The following ADGRL2 variants were observed in gnomAD, a reference collection of about 807,000 sequenced individuals.
ADGRL2 encodes adhesion G protein-coupled receptor L2, also known as calcium-independent alpha-latrotoxin receptor 2.
A neutral mutation model predicts 157.4 loss-of-function variants in ADGRL2; 44 were observed. The ratio of observed to expected loss-of-function variants is 0.28; its 90% confidence interval spans 0.22 to 0.36. The LOEUF is 0.36. Among genes scored for constraint, ADGRL2 ranks in the 10% least tolerant of loss-of-function variants. ADGRL2 has a pLI of 1.00. For synonymous variants in ADGRL2, 585 were observed against 624.7 expected (o/e 0.94, Z 0.95); for missense variants, 1,510 against 1,768.9 (o/e 0.85, Z 2.63).
intron 1 of ADGRL2, among the ~76,000 whole-genome samples, chr1:81,367,786 A>G (rs1335788805): frequency 1.3e-5 from 2 of 152,182 alleles, no homozygotes; most frequent in South Asian, 2.1e-4. Flanking sequence ...TCCTGACCTC[A>G]GGTGATCCGT....
intron 2 of ADGRL2, among the ~76,000 whole-genome samples, chr1:81,561,249 C>G (rs1050513605): frequency 6.6e-6 from 1 of 152,046 alleles, no homozygotes; most frequent in Non-Finnish European, 1.5e-5. Flanking sequence ...TGCCCTCCCC[C>G]ACTAGAATTT....
At chr1:81,390,686 A>G (rs1265935435) in intron 1 of ADGRL2, among the ~76,000 whole-genome samples, 2 of 152,308 alleles carry the variant, frequency 1.3e-5, no homozygotes, top group Non-Finnish European at 2.9e-5. Flanking sequence ...TACATTCCAT[A>G]TGGCAATTTG....
intron 2 of ADGRL2, among the ~76,000 whole-genome samples, chr1:81,767,590 G>A (rs144462230): frequency 4.6e-5 from 7 of 152,090 alleles, no homozygotes; most frequent in African/African-American, 1.4e-4. Context: ...ATGAAATTGC[G>A]GCTGGACATG....
At position 81,952,155 on chromosome 1, in the gene ADGRL2, C is replaced by T. The variant is rs1652034590; in HGVS notation, c.1794+13C>T. ...GAGTTATAACAAGGTAGAGAGAACTCTTCTGTTATTTTGAATTAGACACTT... is the reference window on the plus strand; with the variant it reads ...GAGTTATAACAAGGTAGAGAGAACTTTTCTGTTATTTTGAATTAGACACTT... On this transcript the variant is annotated intron_variant, in intron 9 of 23. Coordinates refer to ENST00000686636, the MANE Select transcript of ADGRL2 (RefSeq NM_001366006.2). The T allele has an allele frequency of 6.3e-7, 1 of 1,583,278 alleles. No individual in the cohort carries two copies. The highest frequency in any genetic ancestry group is 1.4e-5 in the African/African-American group (1 of 73,584).
At chr1:81,438,892 TC>T (rs2077457006) in intron 1 of ADGRL2, among the ~76,000 whole-genome samples, 3 of 152,260 alleles carry the variant, frequency 2.0e-5, no homozygotes, top group African/African-American at 7.2e-5. Context: ...ACTCCTTGAA[TC>T]CCCCAAGTTC....
At chr1:81,312,746 A>G (rs1456903734) in intron 1 of ADGRL2, among the ~76,000 whole-genome samples, 2 of 152,184 alleles carry the variant, frequency 1.3e-5, no homozygotes, top group Non-Finnish European at 2.9e-5. Flanking sequence ...AGAGGGATGG[A>G]GCAGTTTACA....
chr1:81,340,531 T>G (rs1183637958), intron 1 of ADGRL2, among the ~76,000 whole-genome samples: 1 of 152,124 alleles, frequency 6.6e-6, no homozygotes, highest in Admixed American at 6.5e-5. Context: ...TCAAAGGAAA[T>G]TACTCATTCT....
At chr1:81,662,252 C>CTTTTTTTTT (rs368764970) in intron 3 of ADGRL2, among the ~76,000 whole-genome samples, 3 of 127,514 alleles carry the variant, frequency 2.4e-5, no homozygotes, top group Non-Finnish European at 4.9e-5. Context: ...CTCATTCATT[C>CTTTTTTTTT]TTTTTTTTTT....
At chr1:81,504,672 G>A (rs1035405138) in intron 2 of ADGRL2, among the ~76,000 whole-genome samples, 22 of 152,120 alleles carry the variant, frequency 1.4e-4, no homozygotes, top group African/African-American at 5.1e-4. Context: ...GAGGTGGAGT[G>A]GAGAGGCCCG....
chr1:81,418,145 C>G (rs541559340), intron 1 of ADGRL2, among the ~76,000 whole-genome samples: 29 of 152,112 alleles, frequency 1.9e-4, no homozygotes, highest in Non-Finnish European at 3.7e-4. Flanking sequence ...TATGCTAGGT[C>G]TCATCAAAAT....
chr1:81,762,911 G>C (rs2085938991), intron 2 of ADGRL2, among the ~76,000 whole-genome samples: 1 of 151,882 alleles, frequency 6.6e-6, no homozygotes, highest in African/African-American at 2.4e-5. Context: ...AATTAGCTAG[G>C]TGTGGTGGTG....
chr1:81,778,058 C>T (rs1230928037), intron 2 of ADGRL2, among the ~76,000 whole-genome samples: 1 of 152,080 alleles, frequency 6.6e-6, no homozygotes, highest in Non-Finnish European at 1.5e-5. Flanking sequence ...CGGTGGCTCA[C>T]GCCTGTAATC....
intron 1 of ADGRL2, among the ~76,000 whole-genome samples, chr1:81,398,005 T>C (rs1172198393): frequency 6.6e-6 from 1 of 152,170 alleles, no homozygotes; most frequent in African/African-American, 2.4e-5. Context: ...GGCTTCGGGG[T>C]GCATATATTT....
chr1:81,404,248 C>T (rs2076814386), intron 1 of ADGRL2, among the ~76,000 whole-genome samples: 1 of 152,136 alleles, frequency 6.6e-6, no homozygotes, highest in African/African-American at 2.4e-5. Context: ...TGATCTTAGG[C>T]AAGGTAATCA....
At chr1:81,819,587 A>G (rs2149818852) in intron 1 of ADGRL2, among the ~76,000 whole-genome samples, 1 of 152,220 alleles carries the variant, frequency 6.6e-6, no homozygotes, top group East Asian at 1.9e-4. Context: ...AATTTTTTTT[A>G]AATACTCACA....
intron 2 of ADGRL2, among the ~76,000 whole-genome samples, chr1:81,541,898 C>G (rs1300152627): frequency 1.3e-5 from 2 of 151,930 alleles, no homozygotes; most frequent in African/African-American, 4.8e-5. Flanking sequence ...GTGGAGTTTG[C>G]GGTGAGCCGA....
intron 3 of ADGRL2, among the ~76,000 whole-genome samples, chr1:81,620,275 C>CA (rs113161280): frequency 0.15 from 23,330 of 151,022 alleles, 2,003 homozygotes; most frequent in Non-Finnish European, 0.18. Flanking sequence ...CATGCAAATA[C>CA]AAAAAAAAGT....
chr1:81,567,694 A>G (rs2080594133), intron 2 of ADGRL2, among the ~76,000 whole-genome samples: 1 of 152,168 alleles, frequency 6.6e-6, no homozygotes, highest in Non-Finnish European at 1.5e-5. Flanking sequence ...GGAATGAAGT[A>G]AGTGGAAAAG....
At chr1:81,986,876 T>C (rs772572512) in intron 21 of ADGRL2, 25 bp from the exon 22 acceptor site, 80 of 1,588,412 alleles carry the variant, frequency 5.0e-5, no homozygotes, top group Non-Finnish European at 6.3e-5. Context: ...CTCTGTTTTT[T>C]TGTTGTTTTT....
Sources: gnomAD v4.1 joint callset for allele counts (sites outside exome capture counted in the v4.1 genomes callset) on GRCh38, gnomAD v4.1.1 for gene constraint, MANE v1.5 for transcripts, NCBI Gene and HGNC (gene_info 2026-07-23, HGNC 2026-07-21) for gene names.